GALNT17: variants seen among roughly 807,000 people sequenced by gnomAD.
The protein encoded by GALNT17 is polypeptide N-acetylgalactosaminyltransferase 17, also known as UDP-GalNAc:polypeptide N-acetylgalactosaminyltransferase-like 3.
A neutral mutation model predicts 63.7 loss-of-function variants in GALNT17; 29 were observed. The observed-to-expected ratio is 0.46, with a 90% CI of 0.34 to 0.62. The LOEUF is 0.62. Among genes scored for constraint, GALNT17 ranks in the 20% least tolerant of loss-of-function variants. The pLI, the probability that GALNT17 is intolerant of heterozygous loss-of-function variation, is 0.01. For synonymous variants in GALNT17, 305 were observed against 318.3 expected (o/e 0.96, Z 0.45); for missense variants, 603 against 799.6 (o/e 0.75, Z 2.97).
intron 2 of GALNT17, among the ~76,000 whole-genome samples, chr7:71,364,552 T>G (rs2116244846): frequency 6.6e-6 from 1 of 152,298 alleles, no homozygotes; most frequent in Non-Finnish European, 1.5e-5. Context: ...TAGAACATTT[T>G]ATGGGGTAGT....
At chr7:71,174,333 C>T (rs1788598488) in intron 1 of GALNT17, among the ~76,000 whole-genome samples, 1 of 152,132 alleles carries the variant, frequency 6.6e-6, no homozygotes, top group African/African-American at 2.4e-5. Flanking sequence ...CGCACATTGG[C>T]ACTGGGGTGT....
intron 1 of GALNT17, among the ~76,000 whole-genome samples, chr7:71,310,404 C>T (rs1255892121): frequency 6.6e-6 from 1 of 152,150 alleles, no homozygotes; most frequent in African/African-American, 2.4e-5. Flanking sequence ...TGCCTATTTG[C>T]ATCTGTTTGC....
chr7:71,274,076 A>G (rs527832619), intron 1 of GALNT17, among the ~76,000 whole-genome samples: 1 of 152,300 alleles, frequency 6.6e-6, no homozygotes, highest in African/African-American at 2.4e-5. Context: ...GGGCGAGGGC[A>G]TATGTTCGGT....
At chr7:71,481,026 G>A (rs1013927023) in intron 5 of GALNT17, among the ~76,000 whole-genome samples, 1 of 152,206 alleles carries the variant, frequency 6.6e-6, no homozygotes, top group Non-Finnish European at 1.5e-5. Flanking sequence ...GCACTGGCTG[G>A]CACCTCTCTT....
intron 6 of GALNT17, among the ~76,000 whole-genome samples, chr7:71,572,220 T>TAA (rs879513819): frequency 8.4e-6 from 1 of 119,000 alleles, no homozygotes; most frequent in African/African-American, 3.1e-5. Context: ...CTATGAAAAA[T>TAA]AAAAAAAAAA....
intron 5 of GALNT17, among the ~76,000 whole-genome samples, chr7:71,500,869 C>G (rs984705607): frequency 6.6e-6 from 1 of 152,182 alleles, no homozygotes; most frequent in Non-Finnish European, 1.5e-5. Flanking sequence ...AACCCCTGTC[C>G]TCTCTTCTCC....
intron 1 of GALNT17, among the ~76,000 whole-genome samples, chr7:71,270,434 A>C (rs541195295): frequency 6.6e-6 from 1 of 151,102 alleles, no homozygotes; most frequent in African/African-American, 2.4e-5. Flanking sequence ...CTGAGGCAGG[A>C]GAATCATTTG....
chr7:71,615,889 A>C (rs565870038), intron 6 of GALNT17, among the ~76,000 whole-genome samples: 1 of 152,228 alleles, frequency 6.6e-6, no homozygotes, highest in African/African-American at 2.4e-5. Flanking sequence ...TGACAGGAGG[A>C]AAGGAAGGAG....
At chr7:71,157,132 G>C (rs1034131000) in intron 1 of GALNT17, among the ~76,000 whole-genome samples, 3 of 151,506 alleles carry the variant, frequency 2.0e-5, no homozygotes, top group African/African-American at 7.3e-5. Context: ...CAACACCCTT[G>C]TTTTGAAGTA....
At chr7:71,614,897 G>GAGGGAGGGAGGA (rs1327129060) in intron 6 of GALNT17, among the ~76,000 whole-genome samples, 1 of 125,918 alleles carries the variant, frequency 7.9e-6, no homozygotes, top group South Asian at 3.1e-4. Context: ...GGGAGGGAGG[G>GAGGGAGGGAGGA]AGGGAGGGAG....
At position 71,693,263 on chromosome 7, in the gene GALNT17, TACACACAC is replaced by T. The variant is rs761584365; in HGVS notation, c.1500+15997_1500+16004del. Among the ~76,000 whole-genome samples the T allele has an allele frequency of 3.4e-3, 367 of 108,872 alleles. 23 individuals are homozygous for T. Among genetic ancestry groups the T allele is most frequent in the East Asian group, 0.016 (34 of 2,140 alleles). The allele number at this position is 108,872 out of a possible 152,430, so 71.4% of individuals were successfully genotyped here. On this transcript the variant is annotated intron_variant, in intron 9 of 10. Transcript: ENST00000333538. ...ACACATATATATACACACACACACA[TACACACAC>T]ACACACACACACACACACACACACA...
chr7:71,426,089 CA>C (rs1157883260), intron 5 of GALNT17, among the ~76,000 whole-genome samples: 1 of 152,154 alleles, frequency 6.6e-6, no homozygotes, highest in East Asian at 1.9e-4. Context: ...ATGAAGGATC[CA>C]CCCTCATGAT....
intron 3 of GALNT17, among the ~76,000 whole-genome samples, chr7:71,407,420 G>T (rs1233289098): frequency 6.6e-6 from 1 of 152,094 alleles, no homozygotes; most frequent in Non-Finnish European, 1.5e-5. Context: ...CACAGAATAT[G>T]AATCAGACCT....
At chr7:71,433,332 C>G (rs1170769740) in intron 5 of GALNT17, among the ~76,000 whole-genome samples, 1 of 152,166 alleles carries the variant, frequency 6.6e-6, no homozygotes, top group Non-Finnish European at 1.5e-5. Context: ...AGTGCTTACC[C>G]ACTACTAGGG....
intron 5 of GALNT17, among the ~76,000 whole-genome samples, chr7:71,531,833 C>T (rs1052459596): frequency 7.2e-5 from 11 of 152,032 alleles, no homozygotes; most frequent in African/African-American, 2.2e-4. Context: ...TCAAACAGAG[C>T]GGAATGCATA....
At chr7:71,689,789 A>T (rs1791414237) in intron 9 of GALNT17, among the ~76,000 whole-genome samples, 1 of 152,200 alleles carries the variant, frequency 6.6e-6, no homozygotes, top group African/African-American at 2.4e-5. Context: ...ACTTTCCCAC[A>T]TAGAGAGGAG....
chr7:71,270,421 A>G (rs1418707835), intron 1 of GALNT17, among the ~76,000 whole-genome samples: 1 of 151,202 alleles, frequency 6.6e-6, no homozygotes, highest in Non-Finnish European at 1.5e-5. Flanking sequence ...GCTACTCTGG[A>G]GGCTGAGGCA....
chr7:71,150,365 C>G (rs1361749550), intron 1 of GALNT17, among the ~76,000 whole-genome samples: 1 of 152,040 alleles, frequency 6.6e-6, no homozygotes, highest in Non-Finnish European at 1.5e-5. Context: ...AGCTAATCTT[C>G]AGGCTCCCCT....
At chr7:71,301,153 T>C (rs1020814373) in intron 1 of GALNT17, among the ~76,000 whole-genome samples, 1 of 149,750 alleles carries the variant, frequency 6.7e-6, no homozygotes, top group African/African-American at 2.5e-5. Flanking sequence ...CCACACGTGA[T>C]GGTGCCGCCT....
Sources: allele counts gnomAD v4.1 joint callset (sites outside exome capture counted in the v4.1 genomes callset), GRCh38; gene constraint gnomAD v4.1.1; transcripts MANE v1.5; gene names NCBI Gene and HGNC (gene_info 2026-07-23, HGNC 2026-07-21).